The following TAF4 variants were observed in gnomAD, a reference collection of about 807,000 sequenced individuals.
TAF4 encodes the protein TATA-box binding protein associated factor 4.
TAF4 carries 9 observed loss-of-function variants against 90.3 expected under a neutral mutation model. That is an observed-to-expected ratio of 0.10 (90% CI 0.06 to 0.17). TAF4 has a LOEUF of 0.17. Ranked by LOEUF, TAF4 falls within the 10% of genes least tolerant of loss-of-function variation. The probability of loss-of-function intolerance (pLI) is 1.00; values close to 1 mark genes in which losing one functional copy is unlikely to be tolerated. For synonymous variants in TAF4, 818 were observed against 638.9 expected (o/e 1.28, Z -4.23); for missense variants, 1,351 against 1,370.7 (o/e 0.99, Z 0.23).
intron 1 of TAF4, among the ~76,000 whole-genome samples, chr20:62,036,366 G>A (rs2055932814): frequency 6.6e-6 from 1 of 152,214 alleles, no homozygotes; most frequent in Non-Finnish European, 1.5e-5. Flanking sequence ...AACACTATCA[G>A]AGCATTTTAC....
At position 62,003,217 on chromosome 20, in the gene TAF4, G is replaced by C; in HGVS notation, c.2429C>G (p.Ala810Gly). 1 of 1,614,176 alleles carries C rather than the reference G, an allele frequency of 6.2e-7. No individual in the cohort carries two copies. The highest frequency in any genetic ancestry group is 8.5e-7 in the Non-Finnish European group (1 of 1,180,040). ...PGTKALSAVS[A>G]QAAAAQKNKL... is the part of the protein sequence containing the mutation. ...ATTTTTCTGTGCAGCAGCTGCTTGT[G>C]CCGAGACAGCAGAAAGGGCTTTGGT... Residue 810 changes from alanine (A) to glycine (G), a missense_variant, in exon 9 of 15, where the codon GCA becomes GGA. Physicochemically the swap from Ala to Gly is moderately conservative, Grantham distance 60. Transcript: ENST00000252996.
In TAF4 at chr20:62,065,295, G is replaced by A; in HGVS notation, c.516C>T (p.Pro172=). The A allele has an allele frequency of 3.2e-6, 3 of 933,616 alleles. No homozygotes were observed. Among genetic ancestry groups the A allele is most frequent in the Non-Finnish European group, 3.8e-6 (3 of 788,948 alleles). 57.8% of individuals were successfully genotyped at this position (933,616 alleles called of 1,614,324 possible). The change falls in exon 1 of 15, where the codon CCC becomes CCT. Residue 172 remains proline (P), a synonymous_variant. Transcript: ENST00000252996. The part of the protein sequence containing the change: ...GPAALAARAG[P]GPGPGPGPGP... Reference sequence around the variant, plus strand: ...CGGGGCCGGGGCCGGGCCCGGGGCCGGGGCCGGCGCGGGCGGCCAGCGCGG... The same window carrying A: ...CGGGGCCGGGGCCGGGCCCGGGGCCAGGGCCGGCGCGGGCGGCCAGCGCGG...
chr20:61,992,181 T>C (rs936674706), intron 14 of TAF4, among the ~76,000 whole-genome samples: 3 of 152,166 alleles, frequency 2.0e-5, no homozygotes, highest in Admixed American at 6.5e-5. Context: ...AACATGTCAT[T>C]ATTTATGGCA....
intron 1 of TAF4, among the ~76,000 whole-genome samples, chr20:62,056,154 C>T (rs1460904218): frequency 6.6e-6 from 1 of 152,104 alleles, no homozygotes; most frequent in African/African-American, 2.4e-5. Flanking sequence ...TGAGAATCAC[C>T]TGATCCCGGG....
intron 1 of TAF4, among the ~76,000 whole-genome samples, chr20:62,017,698 T>C (rs1003030808): frequency 6.6e-6 from 1 of 151,674 alleles, no homozygotes; most frequent in Non-Finnish European, 1.5e-5. Context: ...ATTAGCCAGG[T>C]GTGGTGGTGC....
intron 1 of TAF4, among the ~76,000 whole-genome samples, chr20:62,060,022 G>A (rs538582459): frequency 3.3e-5 from 5 of 152,364 alleles, no homozygotes; most frequent in South Asian, 4.1e-4. Flanking sequence ...TTCGGGATGC[G>A]GACACGCCCA....
chr20:62,043,354 T>C (rs2055974754), intron 1 of TAF4, among the ~76,000 whole-genome samples: 1 of 152,196 alleles, frequency 6.6e-6, no homozygotes, highest in East Asian at 1.9e-4. Flanking sequence ...AGCTGTATAA[T>C]GTGTTTGTGT....
intron 1 of TAF4, among the ~76,000 whole-genome samples, chr20:62,047,812 C>T (rs930031710): frequency 6.6e-5 from 10 of 152,342 alleles, no homozygotes; most frequent in African/African-American, 1.9e-4. Context: ...AGAATACAAA[C>T]GCACGCTATC....
intron 3 of TAF4, 99 bp downstream of exon 3, chr20:62,012,716 T>TA (rs60638506): frequency 0.19 from 197,551 of 1,013,448 alleles, 152 homozygotes; most frequent in Non-Finnish European, 0.21. Flanking sequence ...GTATCCAGTT[T>TA]AAAAAAAAAA....
At chr20:62,041,060 C>T (rs754589978) in intron 1 of TAF4, among the ~76,000 whole-genome samples, 2 of 152,324 alleles carry the variant, frequency 1.3e-5, no homozygotes, top group Non-Finnish European at 2.9e-5. Context: ...AGTAGGAAGC[C>T]GGACACCAGG....
At chr20:62,050,132 G>C (rs10888229) in intron 1 of TAF4, among the ~76,000 whole-genome samples, 15,002 of 152,204 alleles carry the variant, frequency 0.099, 1,202 homozygotes, top group East Asian at 0.44. Flanking sequence ...GGCCACAACA[G>C]TCAAAACAGG....
intron 1 of TAF4, among the ~76,000 whole-genome samples, chr20:62,020,801 A>C (rs1488252491): frequency 2.6e-5 from 4 of 152,238 alleles, no homozygotes; most frequent in Non-Finnish European, 5.9e-5. Context: ...ATTCCCCCTG[A>C]ATACAGTATA....
At chr20:62,005,860 G>A (rs1440882487) in intron 7 of TAF4, 2 of 152,208 alleles carry the variant, frequency 1.3e-5, no homozygotes, top group Non-Finnish European at 1.5e-5. Flanking sequence ...TGTCTTTAGA[G>A]GAAGAAAACA....
At chr20:62,049,482 A>G (rs2056013701) in intron 1 of TAF4, among the ~76,000 whole-genome samples, 2 of 152,178 alleles carry the variant, frequency 1.3e-5, no homozygotes, top group African/African-American at 4.8e-5. Context: ...AACCCAGGCC[A>G]GACCTTCTGG....
chr20:62,016,496 C>T (rs2055812832), intron 1 of TAF4, among the ~76,000 whole-genome samples: 1 of 152,206 alleles, frequency 6.6e-6, no homozygotes, highest in Non-Finnish European at 1.5e-5. Flanking sequence ...TGGATGCTTC[C>T]TGCCCTGGAA....
At chr20:62,021,870 C>A (rs1471098649) in intron 1 of TAF4, among the ~76,000 whole-genome samples, 1 of 152,162 alleles carries the variant, frequency 6.6e-6, no homozygotes, top group African/African-American at 2.4e-5. Flanking sequence ...CAGCCGGCAC[C>A]TCAGACGGCG....
At chr20:62,008,567 C>T (rs1404129111) in intron 5 of TAF4, among the ~76,000 whole-genome samples, 2 of 151,916 alleles carry the variant, frequency 1.3e-5, no homozygotes, top group African/African-American at 4.8e-5. Flanking sequence ...GGGGGGACGG[C>T]TCTGCCACTG....
intron 1 of TAF4, among the ~76,000 whole-genome samples, chr20:62,057,177 C>T (rs2380146): frequency 0.69 from 105,341 of 152,132 alleles, 36,673 homozygotes; most frequent in Middle Eastern, 0.8. Context: ...TTGCCACCGG[C>T]AGCACCTCTG....
Position 62,003,257 on chromosome 20 carries a change from C to A in TAF4, c.2389G>T (p.Ala797Ser). Reference protein sequence around the residue: ...PLQPVPVVKPAVLPGTKALSA... With the variant: ...PLQPVPVVKPSVLPGTKALSA... The stretch of plus-strand genomic sequence containing the variant: ...AGGGCTTTGGTTCCAGGTAACACGG[C>A]GGGTTTCACCACAGGGACTACAAAA... Residue 797 changes from alanine (A) to serine (S), a missense_variant, in exon 9 of 15, where the codon GCC becomes TCC. Coordinates refer to ENST00000252996, the MANE Select transcript of TAF4 (RefSeq NM_003185.4). 6.2e-7 allele frequency: 1 copy of A among 1,614,046 alleles called. No homozygotes were observed. The highest frequency in any genetic ancestry group is 1.1e-5 in the South Asian group (1 of 91,080).
Sources: allele counts gnomAD v4.1 joint callset (sites outside exome capture counted in the v4.1 genomes callset), GRCh38; gene constraint gnomAD v4.1.1; transcripts MANE v1.5; gene names NCBI Gene and HGNC (gene_info 2026-07-23, HGNC 2026-07-21).